The following MACROH2A1 variants were observed in gnomAD, a reference collection of about 807,000 sequenced individuals.
The protein encoded by MACROH2A1 is macroH2A.1 histone.
In MACROH2A1, 2 loss-of-function variants were observed where a neutral mutation model predicts 31.6. The observed-to-expected ratio is 0.06, with a 90% CI of 0.03 to 0.20. The LOEUF (loss-of-function observed/expected upper bound fraction) is 0.20, where lower values mean the gene tolerates loss of function less well. Among genes scored for constraint, MACROH2A1 ranks in the 10% least tolerant of loss-of-function variants. The pLI is 1.00. For missense variants in MACROH2A1, 230 were observed against 474.0 expected (o/e 0.49, Z 4.78); for synonymous variants, 169 against 189.6 (o/e 0.89, Z 0.89).
Position 135,334,685 on chromosome 5 carries a change from G to T in MACROH2A1, c.*291C>A. The T allele has an allele frequency of 3.4e-6, 1 of 290,430 alleles. No homozygotes were observed. The highest frequency in any genetic ancestry group is 6.5e-6 in the Non-Finnish European group (1 of 153,426). The allele number at this position is 290,430 out of a possible 1,614,324, so 18.0% of individuals were successfully genotyped here. ...GACGCTGTTCTCCCCACTGCTGTGC[G>T]TCAATCAGGGTTTCATTAAAATAAA... is the stretch of plus-strand genomic sequence containing the variant. On this transcript the variant is annotated 3_prime_UTR_variant, in exon 9 of 9. Coordinates refer to ENST00000511689, the MANE Select transcript of MACROH2A1 (RefSeq NM_138610.3).
rs1345025468 is a variant in MACROH2A1 at position 135,398,347 on chromosome 5, G to A, written c.-34+715C>T. 6.6e-6 allele frequency among the ~76,000 whole-genome samples: 1 copy of A among 152,014 alleles called. No individual in the cohort carries two copies. Among genetic ancestry groups the A allele is most frequent in the African/African-American group, 2.4e-5 (1 of 41,378 alleles). Reference sequence around the variant, plus strand: ...CACCCGGGGAAGCCTACAGCCTTCCGGAGTTACCTTTTAAAAAAAGCAAAC... The same window carrying A: ...CACCCGGGGAAGCCTACAGCCTTCCAGAGTTACCTTTTAAAAAAAGCAAAC... On this transcript the variant is annotated intron_variant, in intron 1 of 8. Coordinates refer to ENST00000511689, the MANE Select transcript of MACROH2A1 (RefSeq NM_138610.3). The surrounding 1 kb of genome is among the most constrained non-coding windows in gnomAD (Gnocchi z 4.6).
At position 135,346,050 on chromosome 5, in the gene MACROH2A1, C is replaced by G; in HGVS notation, c.696G>C (p.Thr232=). The G allele has an allele frequency of 1.2e-6, 2 of 1,612,854 alleles. No homozygotes were observed. Among genetic ancestry groups the G allele is most frequent in the Non-Finnish European group, 1.7e-6 (2 of 1,178,832 alleles). The part of the protein sequence containing the change: ...DIDLKDDLGN[T]LEKKGGKEFV... ...ACTCCTTGCCACCTTTCTTCTCCAG[C>G]GTGTTTCCTAGACAAGGACAGGGTG... Residue 232 remains threonine, a synonymous_variant, in exon 7 of 9, where the codon ACG becomes ACC. Transcript: ENST00000511689.
chr5:135,376,400 AAAAT>A (rs1444330907), intron 2 of MACROH2A1, among the ~76,000 whole-genome samples: 1 of 152,200 alleles, frequency 6.6e-6, no homozygotes, highest in Non-Finnish European at 1.5e-5. Flanking sequence ...TTCAAAGTAA[AAAAT>A]AAATAAGTTT....
intron 8 of MACROH2A1, among the ~76,000 whole-genome samples, chr5:135,336,573 GC>G (rs1464033974): frequency 6.6e-6 from 1 of 152,220 alleles, no homozygotes; most frequent in Non-Finnish European, 1.5e-5. Flanking sequence ...GAGCTCCAGA[GC>G]CGCTCTGGCC....
At chr5:135,361,330 A>G (rs1483574202) in intron 4 of MACROH2A1, 4 of 153,424 alleles carry the variant, frequency 2.6e-5, no homozygotes, top group Admixed American at 1.3e-4. Flanking sequence ...GATCTGCCGT[A>G]AGAAGTACAC....
intron 4 of MACROH2A1, among the ~76,000 whole-genome samples, chr5:135,363,950 C>T (rs1269800755): frequency 6.6e-6 from 1 of 152,152 alleles, no homozygotes; most frequent in Non-Finnish European, 1.5e-5. Context: ...TTTCATGTGT[C>T]TGTTGGCTGC....
intron 5 of MACROH2A1, chr5:135,359,208 G>A (rs1254795050): frequency 8.1e-6 from 8 of 985,466 alleles, no homozygotes; most frequent in Non-Finnish European, 9.6e-6. Flanking sequence ...TAAGGGCAGA[G>A]TGGGGAAAAG....
chr5:135,348,643 T>G (rs1458718719), intron 6 of MACROH2A1, among the ~76,000 whole-genome samples: 1 of 152,258 alleles, frequency 6.6e-6, no homozygotes, highest in African/African-American at 2.4e-5. Flanking sequence ...TGAGGCCATG[T>G]AGGAATCTGG....
At chr5:135,358,793 T>A (rs1194842203) in intron 5 of MACROH2A1, 2 of 984,296 alleles carry the variant, frequency 2.0e-6, no homozygotes, top group Non-Finnish European at 2.4e-6. Flanking sequence ...ACAGTCATTA[T>A]TAGCCAAAAT....
At chr5:135,377,959 G>A (rs1021716791) in intron 2 of MACROH2A1, among the ~76,000 whole-genome samples, 1 of 152,168 alleles carries the variant, frequency 6.6e-6, no homozygotes, top group African/African-American at 2.4e-5. Context: ...CCCTGAGAGG[G>A]CACTATAGCT....
Position 135,334,810 on chromosome 5 carries a change from AGAAGGTC to A in MACROH2A1, c.*159_*165del. The A allele has an allele frequency of 1.6e-6, 1 of 625,726 alleles. No homozygotes were observed. 38.8% of individuals were successfully genotyped at this position (625,726 alleles called of 1,614,324 possible). A position where few individuals can be genotyped will look rare whatever the true frequency, so the allele number is the denominator to read the frequency against. On this transcript the variant is annotated 3_prime_UTR_variant, in exon 9 of 9. Transcript: ENST00000511689. ...ATCAGTGCTAACATAAAAACATTTT[AGAAGGTC>A]AAAAACAATTAAACTGGAAACCAAA... is the stretch of plus-strand genomic sequence containing the variant.
intron 2 of MACROH2A1, among the ~76,000 whole-genome samples, chr5:135,379,712 G>A (rs1003329776): frequency 6.6e-6 from 1 of 152,128 alleles, no homozygotes; most frequent in African/African-American, 2.4e-5. Flanking sequence ...GACATTTGTG[G>A]AATTCTTACC....
chr5:135,358,720 T>C, intron 5 of MACROH2A1: 1 of 934,624 alleles, frequency 1.1e-6, no homozygotes, highest in Non-Finnish European at 1.3e-6. Flanking sequence ...TGTAATTTAT[T>C]ATAGAGTATC....
intron 8 of MACROH2A1, among the ~76,000 whole-genome samples, chr5:135,342,545 A>C (rs1256347266): frequency 1.3e-5 from 2 of 152,006 alleles, no homozygotes; most frequent in African/African-American, 4.8e-5. Context: ...GAAAAACTAG[A>C]CTTCTCCTGT....
At position 135,343,054 on chromosome 5, in the gene MACROH2A1, T is replaced by C. The variant is rs1760171968; in HGVS notation, c.953+206A>G. 3.2e-6 allele frequency: 4 copies of C among 1,269,182 alleles called. No homozygotes were observed. In the Admixed American group the frequency reaches 9.9e-5, roughly 31 times the overall value. The allele number at this position is 1,269,182 out of a possible 1,614,324, so 78.6% of individuals were successfully genotyped here. A position where few individuals can be genotyped will look rare whatever the true frequency, so the allele number is the denominator to read the frequency against. On this transcript the variant is annotated intron_variant, in intron 8 of 8. Transcript: ENST00000511689. Reference sequence around the variant, plus strand: ...ATGACATTTGCTATCAAAACTTAAGTTTTATATCATCCTTGGGATTTGGGT... The same window carrying C: ...ATGACATTTGCTATCAAAACTTAAGCTTTATATCATCCTTGGGATTTGGGT...
intron 2 of MACROH2A1, among the ~76,000 whole-genome samples, chr5:135,386,377 A>G (rs753829557): frequency 3.9e-5 from 6 of 152,262 alleles, no homozygotes; most frequent in Non-Finnish European, 7.3e-5. Flanking sequence ...GGTCATGCCA[A>G]TGACTCAGTG....
chr5:135,348,022 T>C (rs967375586), intron 6 of MACROH2A1, among the ~76,000 whole-genome samples: 6 of 152,156 alleles, frequency 3.9e-5, no homozygotes, highest in African/African-American at 1.4e-4. Flanking sequence ...TTAGGAAGAG[T>C]GTTTAAAATT....
chr5:135,335,270 G>A lies in MACROH2A1; in HGVS notation c.954-129C>T, dbSNP rs781012095. ...GTTGGGTCGGTGTCTGTTGAGCCCC[G>A]TGTCTGCTTGTACGCCAGTGTGGGA... On this transcript the variant is annotated intron_variant, in intron 8 of 8. Transcript: ENST00000511689. 459 of 660,246 alleles carry A rather than the reference G, an allele frequency of 7.0e-4. 1 individual carries two copies. The highest frequency in any genetic ancestry group is 1.0e-3 in the Non-Finnish European group (392 of 378,016). 40.9% of individuals were successfully genotyped at this position (660,246 alleles called of 1,614,324 possible).
At chr5:135,343,229 T>C (rs1020767315) in intron 8 of MACROH2A1, 31 bp downstream of exon 8, 4 of 1,612,444 alleles carry the variant, frequency 2.5e-6, no homozygotes, top group Non-Finnish European at 2.5e-6. Flanking sequence ...GACACACCCA[T>C]GACCGATACG....
Sources: allele counts gnomAD v4.1 joint callset (sites outside exome capture counted in the v4.1 genomes callset), GRCh38; gene constraint gnomAD v4.1.1; non-coding constraint Gnocchi (gnomAD v3.1); transcripts MANE v1.5; gene names NCBI Gene and HGNC (gene_info 2026-07-23, HGNC 2026-07-21).